NRROS: variants seen among roughly 807,000 people sequenced by gnomAD.
NRROS encodes transforming growth factor beta activator LRRC33.
Under a neutral mutation model 12.0 loss-of-function variants are expected in NRROS, and 6 were observed. The ratio of observed to expected loss-of-function variants is 0.50; its 90% CI spans 0.27 to 0.98. The LOEUF (loss-of-function observed/expected upper bound fraction) is 0.98. NRROS is among the 50% of genes least tolerant of loss of function. The probability of loss-of-function intolerance (pLI) is 0.11; values close to 1 mark genes in which losing one functional copy is unlikely to be tolerated. For synonymous variants in NRROS, 462 were observed against 410.2 expected (o/e 1.13, Z -1.53); for missense variants, 857 against 888.2 (o/e 0.96, Z 0.45).
intron 1 of NRROS, among the ~76,000 whole-genome samples, chr3:196,653,601 G>A (rs957764793): frequency 6.6e-6 from 1 of 152,246 alleles, no homozygotes; most frequent in African/African-American, 2.4e-5. Flanking sequence ...CCCCAGCAGG[G>A]CAGCAGTGAG....
chr3:196,659,885 C>T lies in NRROS; in HGVS notation c.242C>T (p.Pro81Leu). The T allele has an allele frequency of 6.2e-7, 1 of 1,614,134 alleles. No individual in the cohort carries two copies. The highest frequency in any genetic ancestry group is 1.1e-5 in the South Asian group (1 of 91,080). The change falls in exon 3 of 3, where the codon CCT (proline) becomes CTT (leucine). Residue 81 changes from proline (P) to leucine (L), a missense_variant. Transcript: ENST00000328557. ...TGGAATCACTCCCTCCAGCCTTACC[C>T]TCTCCTGGAGAGCCTCAGCCTGCAC... The part of the protein sequence containing the change: ...TLWNHSLQPY[P>L]LLESLSLHSC...
At chr3:196,648,766 C>CAAAAAAAAA (rs34359599) in intron 1 of NRROS, among the ~76,000 whole-genome samples, 4 of 74,810 alleles carry the variant, frequency 5.3e-5, no homozygotes, top group African/African-American at 2.3e-4. Flanking sequence ...AACTCCATCT[C>CAAAAAAAAA]AAAAAAAAAA....
At position 196,654,138 on chromosome 3, in the gene NRROS, CAG is replaced by C. The variant is rs1372676371; in HGVS notation, c.-13-388_-13-387del. ...TCACTCAGCAAGTACTTACTGAGCT[CAG>C]GGGATGCATCAGACCGATTGGAGCT... On this transcript the variant is annotated intron_variant, in intron 1 of 2. Coordinates refer to ENST00000328557, the MANE Select transcript of NRROS (RefSeq NM_198565.3). This position sits in a 1 kb window ranked among gnomAD's most constrained non-coding sequence, Gnocchi z 4.4. 1.3e-5 allele frequency among the ~76,000 whole-genome samples: 2 copies of C among 152,170 alleles called. No homozygotes were observed. Among genetic ancestry groups the C allele is most frequent in the Non-Finnish European group, 2.9e-5 (2 of 68,036 alleles).
At position 196,654,492 on chromosome 3, in the gene NRROS, C is replaced by T. The variant is rs1737494235; in HGVS notation, c.-13-35C>T. On this transcript the variant is annotated intron_variant, in intron 1 of 2. Transcript: ENST00000328557. This position sits in a 1 kb window ranked among gnomAD's most constrained non-coding sequence, Gnocchi z 4.4. ...ACAAACAGCCCTCTGGGATGTCCTT[C>T]TCTGACTTACCTCTTCCCTGCTCTC... is the stretch of plus-strand genomic sequence containing the variant. 1.6e-6 allele frequency: 2 copies of T among 1,274,318 alleles called. No individual in the cohort carries two copies. The highest frequency in any genetic ancestry group is 2.9e-5 in the African/African-American group (2 of 68,432). The allele number at this position is 1,274,318 out of a possible 1,614,324, so 78.9% of individuals were successfully genotyped here.
intron 2 of NRROS, among the ~76,000 whole-genome samples, chr3:196,657,316 C>T (rs943167177): frequency 2.6e-5 from 4 of 152,074 alleles, no homozygotes; most frequent in East Asian, 3.8e-4. Flanking sequence ...GTGTGACCCA[C>T]GACTGCAGCA....
At chr3:196,647,285 A>T (rs1212534) in intron 1 of NRROS, among the ~76,000 whole-genome samples, 2 of 152,020 alleles carry the variant, frequency 1.3e-5, no homozygotes. Flanking sequence ...CTTCAGAAAA[A>T]GTGTGCCAAT....
chr3:196,655,544 A>C (rs1337998712), intron 2 of NRROS, among the ~76,000 whole-genome samples: 1 of 152,050 alleles, frequency 6.6e-6, no homozygotes, highest in Non-Finnish European at 1.5e-5. Context: ...AAAAAAGAAA[A>C]AAACAAAACA....
chr3:196,661,613 TC>T lies in NRROS; in HGVS notation c.1974del (p.Ser659AlafsTer99). On this transcript the variant is annotated frameshift_variant, in exon 3 of 3. Coordinates refer to ENST00000328557, the MANE Select transcript of NRROS (RefSeq NM_198565.3). LOFTEE classifies it high-confidence loss of function. ...GGCCTGCTCTACCTCGTGCTCATCC[TC>T]CCCAGCTGCCTCACCCTGCTGGTGG... The part of the protein sequence containing the change: ...DLGLLYLVLI[L>X]PSCLTLLVAC... 1 of 1,613,230 alleles carries T rather than the reference TC, an allele frequency of 6.2e-7. No individual in the cohort carries two copies.
At position 196,660,070 on chromosome 3, in the gene NRROS, G is replaced by T. The variant is rs2108643328; in HGVS notation, c.427G>T (p.Ala143Ser). Residue 143 changes from alanine to serine, a missense_variant, in exon 3 of 3, where the codon GCC (alanine) becomes TCC (serine). Physicochemically the swap from Ala to Ser is moderately conservative, Grantham distance 99 (BLOSUM62 1). Transcript: ENST00000328557. This position sits in a 1 kb window ranked among gnomAD's most constrained non-coding sequence, Gnocchi z 7.7. The part of the protein sequence containing the change: ...GLRRLDLSGN[A>S]LTEDMAALML... ...GCGGAGGCTGGACTTGTCAGGAAAC[G>T]CCCTGACGGAGGACATGGCAGCCCT... The T allele has an allele frequency of 1.2e-6, 2 of 1,613,132 alleles. No individual in the cohort carries two copies. The highest frequency in any genetic ancestry group is 1.7e-6 in the Non-Finnish European group (2 of 1,179,942).
chr3:196,641,135 G>T (rs1737200167), intron 1 of NRROS, among the ~76,000 whole-genome samples: 1 of 125,256 alleles, frequency 8.0e-6, no homozygotes. Context: ...CTGCCTTTAG[G>T]TTAAAAAAAC....
rs1022104652 is a variant in NRROS, at chr3:196,661,458, G to A, written c.1815G>A (p.Gly605=). ...ACTGCTGTGGGGTGGATGGCTGGGG[G>A]GCCCTGCAGCATGGGCAGACGGTGG... The part of the protein sequence containing the change: ...PYDCCGVDGW[G]ALQHGQTVAD... The change falls in exon 3 of 3, where the codon GGG becomes GGA. Residue 605 remains glycine (G), a synonymous_variant. Transcript: ENST00000328557. 5 of 1,597,742 alleles carry A rather than the reference G, an allele frequency of 3.1e-6. No homozygotes were observed. The highest frequency in any genetic ancestry group is 2.3e-5 in the South Asian group (2 of 88,688).
rs566848239 is a variant in NRROS at position 196,647,398 on chromosome 3, G to A, written c.-13-7129G>A. ...CAAATTCATTATTAAGAGAAAGCTA[G>A]AGAAGCAAATCACAAGCTCTGAATT... On this transcript the variant is annotated intron_variant, in intron 1 of 2. Coordinates refer to ENST00000328557, the MANE Select transcript of NRROS (RefSeq NM_198565.3). Among the ~76,000 whole-genome samples, 110 of 152,298 alleles carry A rather than the reference G, an allele frequency of 7.2e-4. 1 individual carries two copies. The highest frequency in any genetic ancestry group is 2.4e-3 in the African/African-American group (100 of 41,568).
In NRROS at chr3:196,661,890, C is replaced by A; in HGVS notation, c.*168C>A. 2.1e-6 allele frequency: 1 copy of A among 465,620 alleles called. No homozygotes were observed. The highest frequency in any genetic ancestry group is 3.7e-6 in the Non-Finnish European group (1 of 269,670). The allele number at this position is 465,620 out of a possible 1,614,324, so 28.8% of individuals were successfully genotyped here. A position where few individuals can be genotyped will look rare whatever the true frequency, so the allele number is the denominator to read the frequency against. On this transcript the variant is annotated 3_prime_UTR_variant, in exon 3 of 3. Transcript: ENST00000328557. ...CACCCCACCCCCGCCCCCACCACCG[C>A]CCAAGTTCTTTTTCCATCATTATAA... is the stretch of plus-strand genomic sequence containing the variant.
At position 196,654,400 on chromosome 3, in the gene NRROS, A is replaced by G; in HGVS notation, c.-13-127A>G. The G allele has an allele frequency of 1.5e-6, 1 of 679,962 alleles. No homozygotes were observed. Among genetic ancestry groups the G allele is most frequent in the Non-Finnish European group, 2.7e-6 (1 of 373,402 alleles). The allele number at this position is 679,962 out of a possible 1,614,324, so 42.1% of individuals were successfully genotyped here. On this transcript the variant is annotated intron_variant, in intron 1 of 2. Coordinates refer to ENST00000328557, the MANE Select transcript of NRROS (RefSeq NM_198565.3). This position sits in a 1 kb window ranked among gnomAD's most constrained non-coding sequence, Gnocchi z 4.4. Reference sequence around the variant, plus strand: ...GGTATCTGAGTATCCTGTGGGCTGCACCTCTATGGAGCTCCACAGAGCTCC... The same window carrying G: ...GGTATCTGAGTATCCTGTGGGCTGCGCCTCTATGGAGCTCCACAGAGCTCC...
chr3:196,644,031 ACCT>A (rs1737257476), intron 1 of NRROS, among the ~76,000 whole-genome samples: 1 of 151,648 alleles, frequency 6.6e-6, no homozygotes, highest in African/African-American at 2.4e-5. Flanking sequence ...ACACCCTGAG[ACCT>A]CCTCATGGGC....
rs898202224 is a variant in NRROS at position 196,654,229 on chromosome 3, T to C, written c.-13-298T>C. Among the ~76,000 whole-genome samples, 5 of 152,230 alleles carry C rather than the reference T, an allele frequency of 3.3e-5. No individual in the cohort carries two copies. The highest frequency in any genetic ancestry group is 1.2e-4 in the African/African-American group (5 of 41,450). ...AAACTCCAGGTGACTGGAGGCCTGG[T>C]TACTCAAGCTTTTTGCTTCTCCCTT... On this transcript the variant is annotated intron_variant, in intron 1 of 2. Transcript: ENST00000328557. This position sits in a 1 kb window ranked among gnomAD's most constrained non-coding sequence, Gnocchi z 4.4.
Position 196,661,061 on chromosome 3 carries a change from G to C in NRROS, c.1418G>C (p.Gly473Ala). 6.2e-7 allele frequency: 1 copy of C among 1,614,166 alleles called. No homozygotes were observed. Among genetic ancestry groups the C allele is most frequent in the Non-Finnish European group, 8.5e-7 (1 of 1,180,038 alleles). ...AGGAGCCTGTCTCTGGAGGGCTGTG[G>C]CCTGGGGGCATTGCCAGACTGCCCA... ...SLRSLSLEGCGLGALPDCPFQ... is the reference protein window; with the variant it reads ...SLRSLSLEGCALGALPDCPFQ... The change falls in exon 3 of 3, where the codon GGC (glycine) becomes GCC (alanine). Residue 473 changes from glycine (G) to alanine (A), a missense_variant. Physicochemically the swap from Gly to Ala is moderately conservative, Grantham distance 60. Coordinates refer to ENST00000328557, the MANE Select transcript of NRROS (RefSeq NM_198565.3).
intron 2 of NRROS, among the ~76,000 whole-genome samples, chr3:196,655,347 C>G (rs1462813872): frequency 6.6e-6 from 1 of 151,820 alleles, no homozygotes; most frequent in Admixed American, 6.6e-5. Flanking sequence ...CTAGCCTGGC[C>G]AACATGGTGA....
intron 2 of NRROS, among the ~76,000 whole-genome samples, chr3:196,658,984 C>CA (rs1737602603): frequency 1.3e-5 from 2 of 152,036 alleles, no homozygotes; most frequent in Non-Finnish European, 2.9e-5. Flanking sequence ...AAACAAAAAA[C>CA]AAAAAAACCA....
Sources: gnomAD v4.1 joint callset for allele counts (sites outside exome capture counted in the v4.1 genomes callset) on GRCh38, gnomAD v4.1.1 for gene constraint, Gnocchi (gnomAD v3.1) non-coding constraint, MANE v1.5 for transcripts, NCBI Gene and HGNC (gene_info 2026-07-23, HGNC 2026-07-21) for gene names.